Variants in NUBPL observed in about 807,000 individuals in gnomAD.
The protein encoded by NUBPL is iron-sulfur cluster transfer protein NUBPL.
NUBPL carries 31 observed loss-of-function variants against 45.7 expected under a neutral mutation model. The observed-to-expected ratio is 0.68, with a 90% CI of 0.51 to 0.92. The LOEUF (loss-of-function observed/expected upper bound fraction) is 0.92, where lower values mean the gene tolerates loss of function less well. Ranked by LOEUF, NUBPL falls within the 40% of genes least tolerant of loss-of-function variation. The probability of loss-of-function intolerance (pLI) is 0.00; values close to 1 mark genes in which losing one functional copy is unlikely to be tolerated. For missense variants in NUBPL, 401 were observed against 398.7 expected, an observed-to-expected ratio of 1.01 and a Z score of -0.05; for synonymous variants, 144 against 140.9, an observed-to-expected ratio of 1.02 and a Z score of -0.15.
chr14:31,766,814 A>AC (rs2038920712), intron 6 of NUBPL, among the ~76,000 whole-genome samples: 1 of 152,022 alleles, frequency 6.6e-6, no homozygotes, highest in Admixed American at 6.5e-5. Flanking sequence ...AAGACCGAAG[A>AC]CCCCCAAAAG....
At chr14:31,707,191 G>A (rs1340421521) in intron 6 of NUBPL, among the ~76,000 whole-genome samples, 1 of 152,168 alleles carries the variant, frequency 6.6e-6, no homozygotes, top group Non-Finnish European at 1.5e-5. Flanking sequence ...AAACCTGCTG[G>A]GTTAAGAATT....
intron 7 of NUBPL, among the ~76,000 whole-genome samples, chr14:31,811,155 A>G (rs946759604): frequency 6.6e-6 from 1 of 152,086 alleles, no homozygotes; most frequent in Non-Finnish European, 1.5e-5. Context: ...CTGAATTTGA[A>G]TGTTGGCCTG....
chr14:31,641,587 A>G (rs1393081655), intron 4 of NUBPL, among the ~76,000 whole-genome samples: 2 of 152,116 alleles, frequency 1.3e-5, no homozygotes, highest in Non-Finnish European at 2.9e-5. Context: ...CCTATTGAGG[A>G]GTACTTAGGT....
At chr14:31,788,895 A>T (rs2039330835) in intron 7 of NUBPL, among the ~76,000 whole-genome samples, 1 of 152,166 alleles carries the variant, frequency 6.6e-6, no homozygotes, top group Admixed American at 6.5e-5. Context: ...GTGGTAGTAT[A>T]AATCTGTGTT....
intron 6 of NUBPL, among the ~76,000 whole-genome samples, chr14:31,732,925 G>GCCC (rs1256956937): frequency 8.5e-4 from 129 of 152,054 alleles, no homozygotes; most frequent in African/African-American, 3.1e-3. Flanking sequence ...TTCTTTTATG[G>GCCC]TTAGTACTTT....
At chr14:31,653,708 A>G (rs2036070036) in intron 4 of NUBPL, among the ~76,000 whole-genome samples, 1 of 152,212 alleles carries the variant, frequency 6.6e-6, no homozygotes, top group Non-Finnish European at 1.5e-5. Flanking sequence ...GCTTATGAAG[A>G]TAACAGGATT....
chr14:31,777,375 C>A (rs574863318), intron 6 of NUBPL, among the ~76,000 whole-genome samples: 12 of 152,272 alleles, frequency 7.9e-5, no homozygotes, highest in East Asian at 7.7e-4. Context: ...GAGTCTTTTA[C>A]TTATGAGAGG....
chr14:31,851,613 G>C (rs1418131135), intron 10 of NUBPL, among the ~76,000 whole-genome samples: 1 of 151,992 alleles, frequency 6.6e-6, no homozygotes, highest in African/African-American at 2.4e-5. Context: ...TTCCTTTTCA[G>C]TCTTTCTCAA....
chr14:31,847,089 C>T (rs1255879488), intron 9 of NUBPL, among the ~76,000 whole-genome samples: 1 of 152,098 alleles, frequency 6.6e-6, no homozygotes, highest in Non-Finnish European at 1.5e-5. Context: ...GTTCTGTCAA[C>T]TATGATAATT....
At chr14:31,572,396 C>T (rs961021759) in intron 3 of NUBPL, among the ~76,000 whole-genome samples, 3 of 152,126 alleles carry the variant, frequency 2.0e-5, no homozygotes, top group African/African-American at 7.2e-5. Flanking sequence ...GCTTCGGCCT[C>T]CCAAAGTTCT....
chr14:31,636,678 C>G (rs1381396205), intron 4 of NUBPL, among the ~76,000 whole-genome samples: 2 of 152,118 alleles, frequency 1.3e-5, no homozygotes, highest in Non-Finnish European at 1.5e-5. Context: ...CCAGTTCCTT[C>G]TTGTACCTCT....
At chr14:31,730,467 T>A (rs1488088757) in intron 6 of NUBPL, among the ~76,000 whole-genome samples, 3 of 150,248 alleles carry the variant, frequency 2.0e-5, no homozygotes, top group Non-Finnish European at 4.4e-5. Flanking sequence ...AGTAATCTTT[T>A]TTTTTTTTTT....
chr14:31,565,175 T>C (rs1453610674), intron 3 of NUBPL, 127 bp downstream of exon 3: 1 of 553,946 alleles, frequency 1.8e-6, no homozygotes, highest in Non-Finnish European at 3.3e-6. Flanking sequence ...TGCATATCTT[T>C]AAGGAACTCA....
chr14:31,689,466 C>T (rs2037042912), intron 6 of NUBPL, among the ~76,000 whole-genome samples: 1 of 152,070 alleles, frequency 6.6e-6, no homozygotes, highest in Non-Finnish European at 1.5e-5. Flanking sequence ...ACACATATGT[C>T]TTCTTTTGAT....
intron 4 of NUBPL, among the ~76,000 whole-genome samples, chr14:31,601,075 G>C (rs189039353): frequency 6.6e-6 from 1 of 152,032 alleles, no homozygotes; most frequent in Non-Finnish European, 1.5e-5. Flanking sequence ...GATATGCGGC[G>C]TTATTTCTGA....
intron 7 of NUBPL, among the ~76,000 whole-genome samples, chr14:31,800,457 T>A (rs1213855028): frequency 1.3e-5 from 2 of 152,148 alleles, no homozygotes; most frequent in Admixed American, 6.5e-5. Context: ...AGATATAACC[T>A]TAATGAAAAA....
At chr14:31,595,982 C>T (rs2034272457) in intron 3 of NUBPL, among the ~76,000 whole-genome samples, 1 of 150,646 alleles carries the variant, frequency 6.6e-6, no homozygotes, top group Non-Finnish European at 1.5e-5. Flanking sequence ...TCTTGGCCCA[C>T]TGCAAGCTCC....
chr14:31,767,386 G>T (rs1330898545), intron 6 of NUBPL, among the ~76,000 whole-genome samples: 1 of 151,946 alleles, frequency 6.6e-6, no homozygotes, highest in African/African-American at 2.4e-5. Flanking sequence ...TGTATTTTTA[G>T]TAGAGACAGG....
At chr14:31,809,424 C>T (rs1279769326) in intron 7 of NUBPL, among the ~76,000 whole-genome samples, 5 of 152,164 alleles carry the variant, frequency 3.3e-5, no homozygotes, top group Non-Finnish European at 7.3e-5. Context: ...ATAGTATTCT[C>T]TGATGGTAGT....
Sources: allele counts gnomAD v4.1 joint callset (sites outside exome capture counted in the v4.1 genomes callset), GRCh38; gene constraint gnomAD v4.1.1; transcripts MANE v1.5; gene names NCBI Gene and HGNC (gene_info 2026-07-23, HGNC 2026-07-21).